The following LCMT1 variants were observed in gnomAD, a reference collection of about 807,000 sequenced individuals.
The protein encoded by LCMT1 is leucine carboxyl methyltransferase 1.
Under a neutral mutation model 47.7 loss-of-function variants are expected in LCMT1, and 32 were observed. The observed-to-expected ratio is 0.67, with a 90% CI of 0.51 to 0.90. The LOEUF is 0.90. Among genes scored for constraint, LCMT1 ranks in the 40% least tolerant of loss-of-function variants. The probability of loss-of-function intolerance (pLI) is 0.00; values close to 1 mark genes in which losing one functional copy is unlikely to be tolerated. For synonymous variants in LCMT1, 152 were observed against 149.7 expected (o/e 1.02, Z -0.11); for missense variants, 375 against 415.2 (o/e 0.90, Z 0.84).
rs1959907902 is a variant in LCMT1, at chr16:25,119,691, A to G, written c.113+7695A>G. 5.9e-5 allele frequency among the ~76,000 whole-genome samples: 9 copies of G among 151,948 alleles called. No homozygotes were observed. The South Asian group carries it at 1.9e-3, about 32-fold the overall frequency. On this transcript the variant is annotated intron_variant, in intron 1 of 10. Coordinates refer to ENST00000399069, the MANE Select transcript of LCMT1 (RefSeq NM_016309.3). The stretch of plus-strand genomic sequence containing the variant: ...TCTCCACAAAGCCAAGTTTTTCCTC[A>G]CGGCTTAGCCCAGGGCCTTTCCGGC...
intron 2 of LCMT1, among the ~76,000 whole-genome samples, chr16:25,128,825 G>T (rs534119175): frequency 6.7e-6 from 1 of 148,736 alleles, no homozygotes; most frequent in Admixed American, 6.8e-5. Context: ...ACCAAACACC[G>T]CATGTTCTCA....
intron 4 of LCMT1, chr16:25,146,351 A>C (rs564594391): frequency 4.8e-4 from 73 of 152,534 alleles, no homozygotes; most frequent in African/African-American, 1.8e-3. Flanking sequence ...ATCTCATCTG[A>C]AAGCTTGGTG....
intron 6 of LCMT1, among the ~76,000 whole-genome samples, chr16:25,163,250 C>T (rs1268544226): frequency 1.3e-5 from 2 of 152,132 alleles, no homozygotes; most frequent in African/African-American, 2.4e-5. Context: ...GGGCGGATCA[C>T]GAGGTCAAGA....
At chr16:25,120,922 A>ATT (rs56817833) in intron 1 of LCMT1, among the ~76,000 whole-genome samples, 20 of 97,402 alleles carry the variant, frequency 2.1e-4, no homozygotes, top group South Asian at 3.3e-4. Flanking sequence ...CTGATTTTGT[A>ATT]TTTTTTTTTT....
At chr16:25,133,756 G>A (rs915441086) in intron 3 of LCMT1, among the ~76,000 whole-genome samples, 4 of 150,426 alleles carry the variant, frequency 2.7e-5, no homozygotes, top group East Asian at 2.0e-4. Flanking sequence ...CTAATTGGCC[G>A]GGCATGGTGG....
At chr16:25,121,917 T>C (rs1450487297) in intron 1 of LCMT1, among the ~76,000 whole-genome samples, 1 of 152,204 alleles carries the variant, frequency 6.6e-6, no homozygotes, top group African/African-American at 2.4e-5. Flanking sequence ...GAGATCTGCC[T>C]CATTGTTTTT....
intron 1 of LCMT1, among the ~76,000 whole-genome samples, chr16:25,113,886 T>A (rs1959707696): frequency 6.6e-6 from 1 of 152,242 alleles, no homozygotes; most frequent in African/African-American, 2.4e-5. Flanking sequence ...TCCGCTCGCC[T>A]TGGTCTCCCA....
At chr16:25,136,517 G>C (rs891781451) in intron 3 of LCMT1, among the ~76,000 whole-genome samples, 1 of 151,254 alleles carries the variant, frequency 6.6e-6, no homozygotes, top group Non-Finnish European at 1.5e-5. Context: ...GAATGTGCAG[G>C]TTTGTTACAT....
At chr16:25,176,323 C>T (rs767820092) in intron 10 of LCMT1, among the ~76,000 whole-genome samples, 15 of 152,044 alleles carry the variant, frequency 9.9e-5, no homozygotes, top group Non-Finnish European at 1.6e-4. Flanking sequence ...TCAAGCTTCC[C>T]GCAGATGTAA....
chr16:25,157,072 C>T (rs1030165900), intron 5 of LCMT1, among the ~76,000 whole-genome samples: 1 of 151,144 alleles, frequency 6.6e-6, no homozygotes, highest in African/African-American at 2.4e-5. Flanking sequence ...TGATGGGGTT[C>T]ACTACAGATC....
At position 25,111,882 on chromosome 16, in the gene LCMT1, C is replaced by T. The variant is rs752984905; in HGVS notation, c.-2C>T. 6 of 1,607,562 alleles carry T rather than the reference C, an allele frequency of 3.7e-6. No homozygotes were observed. Among genetic ancestry groups the T allele is most frequent in the Admixed American group, 3.3e-5 (2 of 59,884 alleles). On this transcript the variant is annotated 5_prime_UTR_variant, in exon 1 of 11. Coordinates refer to ENST00000399069, the MANE Select transcript of LCMT1 (RefSeq NM_016309.3). ...ACACAGCTCCCAGGAACCTCCACGC[C>T]CATGGCCACTAGGCAGAGGGAATCC...
Position 25,129,388 on chromosome 16 carries a change from G to A in LCMT1, c.205+822G>A, listed in dbSNP as rs1314632082. ...TTAAATTTAATGAATTCAAAAAAAA[G>A]TATTAATCTTCTTTAATCTGTCATG... is the stretch of plus-strand genomic sequence containing the variant. On this transcript the variant is annotated intron_variant, in intron 2 of 10. Transcript: ENST00000399069. Among the ~76,000 whole-genome samples, 7 of 152,008 alleles carry A rather than the reference G, an allele frequency of 4.6e-5. No homozygotes were observed. The South Asian group carries it at 1.0e-3, about 23-fold the overall frequency.
At chr16:25,132,325 C>T (rs1960372004) in intron 2 of LCMT1, 77 bp from the exon 3 acceptor site, 5 of 1,565,150 alleles carry the variant, frequency 3.2e-6, no homozygotes, top group Non-Finnish European at 3.5e-6. Flanking sequence ...TTGCTCTTCT[C>T]CTGGGGTGGG....
At chr16:25,176,108 C>T (rs1173848722) in intron 10 of LCMT1, among the ~76,000 whole-genome samples, 1 of 152,162 alleles carries the variant, frequency 6.6e-6, no homozygotes, top group Admixed American at 6.5e-5. Context: ...CATTAAGGTG[C>T]ACATGCCTGT....
intron 9 of LCMT1, among the ~76,000 whole-genome samples, chr16:25,172,104 G>A (rs1435538892): frequency 2.0e-5 from 3 of 152,060 alleles, no homozygotes; most frequent in African/African-American, 4.8e-5. Flanking sequence ...TTAGGAGTTC[G>A]ATACCAGCCT....
chr16:25,139,054 C>T (rs1450884513), intron 3 of LCMT1, among the ~76,000 whole-genome samples: 2 of 152,150 alleles, frequency 1.3e-5, no homozygotes, highest in Non-Finnish European at 2.9e-5. Context: ...ATTCTCCTGC[C>T]TCAGCCTCCT....
chr16:25,147,904 T>C (rs1960919575), intron 4 of LCMT1: 1 of 152,240 alleles, frequency 6.6e-6, no homozygotes, highest in African/African-American at 2.4e-5. Flanking sequence ...TTTCCCAGGC[T>C]GGAGTTTCTT....
At chr16:25,130,940 G>T (rs1350079523) in intron 2 of LCMT1, among the ~76,000 whole-genome samples, 1 of 152,206 alleles carries the variant, frequency 6.6e-6, no homozygotes, top group South Asian at 2.1e-4. Flanking sequence ...TAGTCATTCA[G>T]CTCCATTCTG....
chr16:25,117,018 G>A (rs1307178935), intron 1 of LCMT1, among the ~76,000 whole-genome samples: 1 of 152,172 alleles, frequency 6.6e-6, no homozygotes, highest in Non-Finnish European at 1.5e-5. Flanking sequence ...TAGGGAGTGG[G>A]TAGCAGGTTA....
Sources: allele counts gnomAD v4.1 joint callset (sites outside exome capture counted in the v4.1 genomes callset), GRCh38; gene constraint gnomAD v4.1.1; transcripts MANE v1.5; gene names NCBI Gene and HGNC (gene_info 2026-07-23, HGNC 2026-07-21).